Variants in BICC1 observed in about 807,000 individuals in gnomAD.
BICC1 encodes BicC family RNA binding protein 1, also known as protein bicaudal C homolog 1.
A neutral mutation model predicts 111.0 loss-of-function variants in BICC1; 43 were observed. That is an observed-to-expected ratio of 0.39 (90% confidence interval 0.30 to 0.50). BICC1 has a LOEUF of 0.50. Ranked by LOEUF, BICC1 falls within the 20% of genes least tolerant of loss-of-function variation. The probability of loss-of-function intolerance (pLI) is 0.88; values close to 1 mark genes in which losing one functional copy is unlikely to be tolerated. For missense variants in BICC1, 1,091 were observed against 1,203.2 expected, an observed-to-expected ratio of 0.91 and a Z score of 1.38; for synonymous variants, 467 against 434.4, an observed-to-expected ratio of 1.07 and a Z score of -0.93.
intron 1 of BICC1, among the ~76,000 whole-genome samples, chr10:58,549,761 C>T (rs1843245008): frequency 2.0e-5 from 3 of 151,078 alleles, no homozygotes; most frequent in Admixed American, 2.0e-4. Flanking sequence ...TCTCGGCTCA[C>T]TGCAACCTCC....
intron 19 of BICC1, among the ~76,000 whole-genome samples, chr10:58,819,576 A>G (rs1453238250): frequency 1.3e-5 from 2 of 152,164 alleles, no homozygotes; most frequent in East Asian, 1.9e-4. Context: ...AACATGCATT[A>G]TTACTAACCA....
chr10:58,722,573 C>T (rs1015421723), intron 3 of BICC1, among the ~76,000 whole-genome samples: 3 of 152,100 alleles, frequency 2.0e-5, no homozygotes, highest in Admixed American at 6.5e-5. Flanking sequence ...TATTCACCTC[C>T]GTGGTTAGCA....
chr10:58,619,605 G>C (rs1845732373), intron 1 of BICC1, among the ~76,000 whole-genome samples: 1 of 151,648 alleles, frequency 6.6e-6, no homozygotes, highest in Non-Finnish European at 1.5e-5. Context: ...CTCTCAAATA[G>C]CTGGAACTAC....
intron 3 of BICC1, among the ~76,000 whole-genome samples, chr10:58,765,158 C>T (rs1399229066): frequency 1.3e-5 from 2 of 152,156 alleles, no homozygotes; most frequent in Non-Finnish European, 2.9e-5. Context: ...TCTCTGCTCA[C>T]TGCAACCTCC....
chr10:58,535,153 A>G (rs1842793166), intron 1 of BICC1, among the ~76,000 whole-genome samples: 1 of 151,776 alleles, frequency 6.6e-6, no homozygotes, highest in African/African-American at 2.4e-5. Context: ...AAAAATTTGG[A>G]AAACCTATTT....
At chr10:58,783,938 G>C (rs1228285309) in intron 3 of BICC1, among the ~76,000 whole-genome samples, 2 of 152,102 alleles carry the variant, frequency 1.3e-5, no homozygotes, top group Non-Finnish European at 1.5e-5. Flanking sequence ...TGATTGAAGA[G>C]AGAATTAAGG....
Position 58,704,576 on chromosome 10 carries a change from A to G in BICC1, c.307+2433A>G, listed in dbSNP as rs565458455. 3.2e-4 allele frequency among the ~76,000 whole-genome samples: 48 copies of G among 152,318 alleles called. 1 individual carries two copies. The South Asian group carries it at 8.1e-3, about 26-fold the overall frequency. On this transcript the variant is annotated intron_variant, in intron 3 of 20. Coordinates refer to ENST00000373886, the MANE Select transcript of BICC1 (RefSeq NM_001080512.3). ...TTAGAAGGTAATTATTTGCTCTTTG[A>G]TCTGATGTGGCTTTTCCTTCTCACC...
chr10:58,620,999 G>A, intron 2 of BICC1, 98 bp downstream of exon 2: 1 of 990,838 alleles, frequency 1.0e-6, no homozygotes, highest in Non-Finnish European at 1.5e-6. Context: ...CCTTCATGTG[G>A]AGGAGAACAG....
At position 58,830,159 on chromosome 10, in the gene BICC1, A is replaced by G. The variant is rs59751583; in HGVS notation, c.*1268A>G. On this transcript the variant is annotated 3_prime_UTR_variant, in exon 21 of 21. Coordinates refer to ENST00000373886, the MANE Select transcript of BICC1 (RefSeq NM_001080512.3). ...CAGCTAAGTTCTGAAGGAAAAAAAA[A>G]ATATATCTTTTTAAGTGGCTAGAGT... The G allele has an allele frequency of 4.6e-5, 7 of 152,026 alleles. No homozygotes were observed. The highest frequency in any genetic ancestry group is 7.4e-5 in the Non-Finnish European group (5 of 68,018). The allele number at this position is 152,026 out of a possible 1,614,324, so 9.4% of individuals were successfully genotyped here.
intron 1 of BICC1, among the ~76,000 whole-genome samples, chr10:58,582,108 T>C (rs542911907): frequency 6.6e-6 from 1 of 152,224 alleles, no homozygotes; most frequent in East Asian, 1.9e-4. Flanking sequence ...TACTCATCCT[T>C]TCCAATATCC....
chr10:58,827,473 G>A (rs904452438), intron 20 of BICC1, among the ~76,000 whole-genome samples: 2 of 152,192 alleles, frequency 1.3e-5, no homozygotes, highest in African/African-American at 2.4e-5. Context: ...TAAAGGGTGA[G>A]TGAGGGATTT....
intron 1 of BICC1, among the ~76,000 whole-genome samples, chr10:58,561,846 G>A (rs537233712): frequency 6.6e-6 from 1 of 152,096 alleles, no homozygotes; most frequent in East Asian, 1.9e-4. Context: ...GTTTTTACTT[G>A]TCTAGAAAAG....
intron 3 of BICC1, among the ~76,000 whole-genome samples, chr10:58,784,601 G>T (rs1431670605): frequency 6.6e-6 from 1 of 152,156 alleles, no homozygotes; most frequent in Admixed American, 6.5e-5. Context: ...TCATGAATCT[G>T]TGCTGTGGAT....
chr10:58,714,881 A>G (rs945808752), intron 3 of BICC1, among the ~76,000 whole-genome samples: 5 of 151,990 alleles, frequency 3.3e-5, no homozygotes, highest in Non-Finnish European at 5.9e-5. Context: ...TAAAAAAAAA[A>G]AAAAAAAGAT....
At chr10:58,552,287 T>G (rs1843315184) in intron 1 of BICC1, among the ~76,000 whole-genome samples, 1 of 152,112 alleles carries the variant, frequency 6.6e-6, no homozygotes, top group South Asian at 2.1e-4. Flanking sequence ...GTAGTTGATA[T>G]TTTCAAACTG....
At chr10:58,619,397 T>A (rs1845723393) in intron 1 of BICC1, among the ~76,000 whole-genome samples, 1 of 152,098 alleles carries the variant, frequency 6.6e-6, no homozygotes, top group African/African-American at 2.4e-5. Context: ...TATATTTAAC[T>A]GTAAAATTTA....
chr10:58,513,208 G>A lies in BICC1; in HGVS notation c.65G>A (p.Arg22His). 1.9e-6 allele frequency: 3 copies of A among 1,609,470 alleles called. No individual in the cohort carries two copies. The highest frequency in any genetic ancestry group is 1.7e-5 in the Admixed American group (1 of 59,630). Residue 22 changes from arginine to histidine, a missense_variant, in exon 1 of 21, where the codon CGC (arginine) becomes CAC (histidine). Arg to His is a conservative substitution (Grantham distance 29). Around this residue, in one of 3 missense-constraint regions of BICC1, gnomAD observed 843 missense variants for 900.8 expected, o/e 0.94. Coordinates refer to ENST00000373886, the MANE Select transcript of BICC1 (RefSeq NM_001080512.3). Reference sequence around the variant, plus strand: ...TCGGACCCCGGCTCCAACAGCGAGCGCAGCACCGACTCCCCAGTGCCCGGC... The same window carrying A: ...TCGGACCCCGGCTCCAACAGCGAGCACAGCACCGACTCCCCAGTGCCCGGC... ...AQSDPGSNSE[R>H]STDSPVPGSE...
intron 3 of BICC1, among the ~76,000 whole-genome samples, chr10:58,764,400 G>A (rs1177794214): frequency 6.6e-6 from 1 of 152,082 alleles, no homozygotes; most frequent in Non-Finnish European, 1.5e-5. Context: ...CCCTGTTCTC[G>A]ACACATTATT....
intron 2 of BICC1, among the ~76,000 whole-genome samples, chr10:58,701,137 C>T (rs1196733088): frequency 6.6e-6 from 1 of 152,034 alleles, no homozygotes; most frequent in Non-Finnish European, 1.5e-5. Context: ...TTGTTTTCAC[C>T]ATTAATATAT....
Sources: allele counts gnomAD v4.1 joint callset (sites outside exome capture counted in the v4.1 genomes callset), GRCh38; gene constraint gnomAD v4.1.1; regional missense constraint gnomAD v4.1.1; transcripts MANE v1.5; gene names NCBI Gene and HGNC (gene_info 2026-07-23, HGNC 2026-07-21).